The following ZNF426 variants were observed in gnomAD, a reference collection of about 807,000 sequenced individuals.
ZNF426 encodes the protein CTC-543D15.7.
In ZNF426, 23 loss-of-function variants were observed where a neutral mutation model predicts 24.0. The ratio of observed to expected loss-of-function variants is 0.96; its 90% CI spans 0.69 to 1.36. The LOEUF is 1.36. Among genes scored for constraint, ZNF426 ranks in the 40% most tolerant of loss-of-function variants. ZNF426 has a pLI of 0.00. For missense variants in ZNF426, 646 were observed against 658.4 expected (o/e 0.98, Z 0.21); for synonymous variants, 272 against 224.6 (o/e 1.21, Z -1.89).
At position 9,536,558 on chromosome 19, in the gene ZNF426, G is replaced by A. The variant is rs189149228; in HGVS notation, c.-124-202C>T. 1.8e-3 allele frequency: 597 copies of A among 326,608 alleles called. 8 individuals carry two copies. In the Admixed American group the frequency reaches 0.019, roughly 11 times the overall value. 20.2% of individuals were successfully genotyped at this position (326,608 alleles called of 1,614,324 possible). ...TCTAAAGAAACAAAAATAAAAATAAGTAAACAAACAAAAAAAAATGAAGTG... is the reference window on the plus strand; with the variant it reads ...TCTAAAGAAACAAAAATAAAAATAAATAAACAAACAAAAAAAAATGAAGTG... On this transcript the variant is annotated intron_variant, in intron 2 of 7. Coordinates refer to ENST00000253115, the MANE Select transcript of ZNF426 (RefSeq NM_024106.3).
rs530879917 is a variant in ZNF426, at chr19:9,525,785, C to T, written c.*2595G>A. 3 of 151,052 alleles carry T rather than the reference C, an allele frequency of 2.0e-5. No homozygotes were observed. Among genetic ancestry groups the T allele is most frequent in the Non-Finnish European group, 4.4e-5 (3 of 67,880 alleles). 9.4% of individuals were successfully genotyped at this position (151,052 alleles called of 1,614,324 possible). Reference sequence around the variant, plus strand: ...TACAGGGTTGAGCCACTGCGCCTAGCCTTTTATTTATTTATTTATTTTTTT... The same window carrying T: ...TACAGGGTTGAGCCACTGCGCCTAGTCTTTTATTTATTTATTTATTTTTTT... On this transcript the variant is annotated 3_prime_UTR_variant, in exon 8 of 8. Coordinates refer to ENST00000253115, the MANE Select transcript of ZNF426 (RefSeq NM_024106.3).
Position 9,527,476 on chromosome 19 carries a change from G to A in ZNF426, c.*904C>T, listed in dbSNP as rs967583713. On this transcript the variant is annotated 3_prime_UTR_variant, in exon 8 of 8. Transcript: ENST00000253115. ...TGGTCTACGACCAGACAACTTGCATGTGAATATTAAAATATAGTGAACATT... is the reference window on the plus strand; with the variant it reads ...TGGTCTACGACCAGACAACTTGCATATGAATATTAAAATATAGTGAACATT... The A allele has an allele frequency of 2.0e-5, 3 of 152,124 alleles. No individual in the cohort carries two copies. The highest frequency in any genetic ancestry group is 2.1e-4 in the South Asian group (1 of 4,832). The allele number at this position is 152,124 out of a possible 1,614,324, so 9.4% of individuals were successfully genotyped here.
chr19:9,529,617 C>T lies in ZNF426; in HGVS notation c.428G>A (p.Arg143Lys), dbSNP rs1291686667. ...ACATTGCTCACAGTCACAGAGTTCC[C>T]TTCCATTGTGTTTTCCTTCCTGTTG... ...GIQLEGKHNG[R>K]ELCDCEQCGE... The change falls in exon 8 of 8, where the codon AGG becomes AAG. Residue 143 changes from arginine to lysine, a missense_variant. Arg to Lys is a conservative substitution (Grantham distance 26). Coordinates refer to ENST00000253115, the MANE Select transcript of ZNF426 (RefSeq NM_024106.3). The T allele has an allele frequency of 1.9e-6, 3 of 1,592,318 alleles. No individual in the cohort carries two copies. The highest frequency in any genetic ancestry group is 1.3e-5 in the African/African-American group (1 of 74,226).
At chr19:9,530,579 C>A (rs1256236019) in intron 7 of ZNF426, among the ~76,000 whole-genome samples, 1 of 151,702 alleles carries the variant, frequency 6.6e-6, no homozygotes, top group Non-Finnish European at 1.5e-5. Context: ...CTGGGAAACA[C>A]AGTAAGACCC....
rs1407005877 is a variant in ZNF426, at chr19:9,533,983, A to G, written c.118-17T>C. The G allele has an allele frequency of 3.1e-6, 5 of 1,610,008 alleles. No individual in the cohort carries two copies. The highest frequency in any genetic ancestry group is 4.2e-6 in the Non-Finnish European group (5 of 1,178,514). ...CACTGAATCCTAAAGCATCACACAC[A>G]TGCTGGTTGGAGCCAAGTAACAAGC... On this transcript the variant is annotated splice_polypyrimidine_tract_variant and intron_variant, in intron 4 of 7. Transcript: ENST00000253115.
chr19:9,530,136 A>T (rs1417681617), intron 7 of ZNF426, among the ~76,000 whole-genome samples: 1 of 151,974 alleles, frequency 6.6e-6, no homozygotes, highest in African/African-American at 2.4e-5. Context: ...AATAATAATA[A>T]TAATAATAAC....
rs145456307 is a variant in ZNF426, at chr19:9,528,679, C to G, written c.1366G>C (p.Ala456Pro). 1 of 1,614,022 alleles carries G rather than the reference C, an allele frequency of 6.2e-7. No homozygotes were observed. Among genetic ancestry groups the G allele is most frequent in the Non-Finnish European group, 8.5e-7 (1 of 1,180,026 alleles). Residue 456 changes from alanine (A) to proline (P), a missense_variant, in exon 8 of 8, where the codon GCT (alanine) becomes CCT (proline). By Grantham distance (27) the Ala-to-Pro change is conservative (BLOSUM62 -1). Transcript: ENST00000253115. Reference protein sequence around the residue: ...KPYTCKECGKAFNYSTHLKIH... With the variant: ...KPYTCKECGKPFNYSTHLKIH... ...TTAAGGTGGGTGGAATAGTTAAAAG[C>G]CTTCCCACATTCCTTACAGGTGTAT...
rs199824998 is a variant in ZNF426, at chr19:9,529,068, T to C, written c.977A>G (p.His326Arg). ...AFNYSNSFQI[H>R]GRTHTGEKPY... Reference sequence around the variant, plus strand: ...TTTCTCTCCAGTGTGAGTTCTTCCATGTATCTGAAATGAGTTGGAATAATT... The same window carrying C: ...TTTCTCTCCAGTGTGAGTTCTTCCACGTATCTGAAATGAGTTGGAATAATT... The change falls in exon 8 of 8, where the codon CAT (histidine) becomes CGT (arginine). Residue 326 changes from histidine (H) to arginine (R), a missense_variant. By Grantham distance (29) the His-to-Arg change is conservative. Coordinates refer to ENST00000253115, the MANE Select transcript of ZNF426 (RefSeq NM_024106.3). 7.4e-6 allele frequency: 12 copies of C among 1,613,578 alleles called. No individual in the cohort carries two copies. Among genetic ancestry groups the C allele is most frequent in the Admixed American group, 3.3e-5 (2 of 59,870 alleles).
chr19:9,529,228 T>A lies in ZNF426; in HGVS notation c.817A>T (p.Thr273Ser). The change falls in exon 8 of 8, where the codon ACC (threonine) becomes TCC (serine). Residue 273 changes from threonine to serine, a missense_variant. Transcript: ENST00000253115. The stretch of plus-strand genomic sequence containing the variant: ...TTGTAGGGCTTTTTTGCATTGAGGG[T>A]TTCTATAAGCACAGAAAGGCTTGTA... ...DSTSLSVLIE[T>S]LNAKKPYKCK... 6.2e-7 allele frequency: 1 copy of A among 1,613,958 alleles called. No homozygotes were observed. Among genetic ancestry groups the A allele is most frequent in the Non-Finnish European group, 8.5e-7 (1 of 1,179,972 alleles).
intron 3 of ZNF426, among the ~76,000 whole-genome samples, chr19:9,535,532 T>A (rs917918081): frequency 2.6e-5 from 4 of 152,028 alleles, no homozygotes; most frequent in Admixed American, 2.0e-4. Context: ...TACAAAAAAA[T>A]TTTAAAATGA....
rs1306306205 is a variant in ZNF426 at position 9,526,823 on chromosome 19, C to T, written c.*1557G>A. ...AATATCAAAGATAACAAAAAATTTT[C>T]ATAGAAGCCAGAGGGGGGGAAATGC... On this transcript the variant is annotated 3_prime_UTR_variant, in exon 8 of 8. Transcript: ENST00000253115. 6.6e-6 allele frequency: 1 copy of T among 151,960 alleles called. No homozygotes were observed. The highest frequency in any genetic ancestry group is 1.5e-5 in the Non-Finnish European group (1 of 67,982). The allele number at this position is 151,960 out of a possible 1,614,324, so 9.4% of individuals were successfully genotyped here.
rs943591021 is a variant in ZNF426, at chr19:9,528,384, T to C, written c.1661A>G (p.His554Arg). ...TATTACATGGACAGTTTCTCACTAG[T>C]GAATTTGTTCATGTCTTCGAAGTGA... ...PRSLRRHEQIH is the reference protein window; with the variant it reads ...PRSLRRHEQIR The change falls in exon 8 of 8, where the codon CAC (histidine) becomes CGC (arginine). Residue 554 changes from histidine to arginine, a missense_variant. Coordinates refer to ENST00000253115, the MANE Select transcript of ZNF426 (RefSeq NM_024106.3). 46 of 1,569,798 alleles carry C rather than the reference T, an allele frequency of 2.9e-5. No individual in the cohort carries two copies. Among genetic ancestry groups the C allele is most frequent in the Non-Finnish European group, 3.3e-5 (38 of 1,160,304 alleles).
At chr19:9,536,834 C>T (rs1295331526) in intron 2 of ZNF426, among the ~76,000 whole-genome samples, 1 of 151,618 alleles carries the variant, frequency 6.6e-6, no homozygotes, top group Non-Finnish European at 1.5e-5. Flanking sequence ...TTTTTTTCCA[C>T]CAAAGTTTGG....
In ZNF426 at chr19:9,528,389, T is replaced by C. The variant is rs766614225; in HGVS notation, c.1656A>G (p.Gln552=). 5.7e-6 allele frequency: 9 copies of C among 1,573,478 alleles called. No individual in the cohort carries two copies. The South Asian group carries it at 1.1e-4, about 19-fold the overall frequency. The change falls in exon 8 of 8, where the codon CAA becomes CAG. Residue 552 remains glutamine (Q), a synonymous_variant. Coordinates refer to ENST00000253115, the MANE Select transcript of ZNF426 (RefSeq NM_024106.3). ...SHPRSLRRHE[Q]IH ...CATGGACAGTTTCTCACTAGTGAATTTGTTCATGTCTTCGAAGTGAACGGG... is the reference window on the plus strand; with the variant it reads ...CATGGACAGTTTCTCACTAGTGAATCTGTTCATGTCTTCGAAGTGAACGGG...
rs763506198 is a variant in ZNF426, at chr19:9,528,473, T to A, written c.1572A>T (p.Lys524Asn). Residue 524 changes from lysine (K) to asparagine (N), a missense_variant, in exon 8 of 8, where the codon AAA becomes AAT. Physicochemically the swap from Lys to Asn is moderately conservative, Grantham distance 94. Transcript: ENST00000253115. ...TATAGGGTTTCTCTTCTGTGTGAGTTTTTTCATGAATTCTAAAGGAACTGG... is the reference window on the plus strand; with the variant it reads ...TATAGGGTTTCTCTTCTGTGTGAGTATTTTCATGAATTCTAAAGGAACTGG... ...TCSSSFRIHE[K>N]THTEEKPYKC... 1 of 1,614,034 alleles carries A rather than the reference T, an allele frequency of 6.2e-7. No homozygotes were observed. Among genetic ancestry groups the A allele is most frequent in the Non-Finnish European group, 8.5e-7 (1 of 1,179,994 alleles).
intron 5 of ZNF426, 37 bp downstream of exon 5, chr19:9,533,803 T>C (rs1055191961): frequency 2.5e-6 from 4 of 1,612,124 alleles, no homozygotes; most frequent in Non-Finnish European, 3.4e-6. Context: ...AACATATCAG[T>C]TCCATAGAAG....
Position 9,527,790 on chromosome 19 carries a change from G to C in ZNF426, c.*590C>G, listed in dbSNP as rs2073812183. 3.3e-5 allele frequency: 5 copies of C among 152,224 alleles called. No homozygotes were observed. The highest frequency in any genetic ancestry group is 2.0e-4 in the Admixed American group (3 of 15,264). The allele number at this position is 152,224 out of a possible 1,614,324, so 9.4% of individuals were successfully genotyped here. A position where few individuals can be genotyped will look rare whatever the true frequency, so the allele number is the denominator to read the frequency against. On this transcript the variant is annotated 3_prime_UTR_variant, in exon 8 of 8. Transcript: ENST00000253115. Reference sequence around the variant, plus strand: ...GTTCAAAGTTCTGGAAGCCCAAGATGAAGGTGCCAGCAGGGTTGGTGGCTT... The same window carrying C: ...GTTCAAAGTTCTGGAAGCCCAAGATCAAGGTGCCAGCAGGGTTGGTGGCTT...
chr19:9,532,914 T>C lies in ZNF426; in HGVS notation c.256A>G (p.Ile86Val). The C allele has an allele frequency of 6.2e-7, 1 of 1,613,848 alleles. No homozygotes were observed. The highest frequency in any genetic ancestry group is 8.5e-7 in the Non-Finnish European group (1 of 1,179,738). Residue 86 changes from isoleucine (I) to valine (V), a missense_variant, in exon 6 of 8, where the codon ATC becomes GTC. Transcript: ENST00000253115. Reference sequence around the variant, plus strand: ...AACCAAGAGATTAGACTGGGTTTGATGATCTGACCTCCTGAGCACAGAGAA... The same window carrying C: ...AACCAAGAGATTAGACTGGGTTTGACGATCTGACCTCCTGAGCACAGAGAA... The part of the protein sequence containing the change: ...KNLATVGGQI[I>V]KPSLISWLEQ...
intron 6 of ZNF426, 121 bp downstream of exon 6, chr19:9,532,724 C>T: frequency 1.5e-6 from 1 of 663,176 alleles, no homozygotes; most frequent in South Asian, 2.1e-5. Flanking sequence ...TATTTCCTAA[C>T]TTTCTCTAAA....
Sources: allele counts gnomAD v4.1 joint callset (sites outside exome capture counted in the v4.1 genomes callset), GRCh38; gene constraint gnomAD v4.1.1; transcripts MANE v1.5; gene names NCBI Gene and HGNC (gene_info 2026-07-23, HGNC 2026-07-21).